The following NOS1AP variants were observed in gnomAD, a reference collection of about 807,000 sequenced individuals.
The protein encoded by NOS1AP is carboxyl-terminal PDZ ligand of neuronal nitric oxide synthase protein.
Under a neutral mutation model 56.2 loss-of-function variants are expected in NOS1AP, and 21 were observed. The ratio of observed to expected loss-of-function variants is 0.37; its 90% CI spans 0.26 to 0.54. The LOEUF (loss-of-function observed/expected upper bound fraction) is 0.54, where lower values mean the gene tolerates loss of function less well. NOS1AP is among the 20% of genes least tolerant of loss of function. The probability of loss-of-function intolerance (pLI) is 0.84; values close to 1 mark genes in which losing one functional copy is unlikely to be tolerated. For synonymous variants in NOS1AP, 270 were observed against 274.6 expected (o/e 0.98, Z 0.17); for missense variants, 522 against 657.8 (o/e 0.79, Z 2.26).
intron 4 of NOS1AP, among the ~76,000 whole-genome samples, chr1:162,329,965 C>T (rs574048402): frequency 6.6e-6 from 1 of 152,224 alleles, no homozygotes; most frequent in African/African-American, 2.4e-5. Context: ...CATCCATGTA[C>T]AGTTCTCATC....
intron 2 of NOS1AP, among the ~76,000 whole-genome samples, chr1:162,235,548 G>C (rs932040490): frequency 1.3e-5 from 2 of 152,210 alleles, no homozygotes; most frequent in African/African-American, 2.4e-5. Context: ...TGTGTTTCAG[G>C]CTCTTGGAGC....
intron 2 of NOS1AP, among the ~76,000 whole-genome samples, chr1:162,221,534 G>GCACACACACACACA (rs35920520): frequency 6.8e-5 from 5 of 73,394 alleles, no homozygotes; most frequent in African/African-American, 1.7e-4. Context: ...ACACACGCGC[G>GCACACACACACACA]CACACACACA....
intron 8 of NOS1AP, chr1:162,365,102 G>T: frequency 7.4e-7 from 1 of 1,356,920 alleles, no homozygotes; most frequent in Non-Finnish European, 9.5e-7. Context: ...ACGTGTGTGT[G>T]TGTGGCAGGT....
chr1:162,363,046 A>T (rs186542112), intron 8 of NOS1AP: 1 of 244,952 alleles, frequency 4.1e-6, no homozygotes, highest in East Asian at 1.8e-4. Context: ...TGCAGAGGGC[A>T]CACAGTGTCC....
chr1:162,095,690 G>T lies in NOS1AP; in HGVS notation c.105+25408G>T, dbSNP rs140828178. The stretch of plus-strand genomic sequence containing the variant: ...CCTCATCCGGTGAGTGGGGTTACTT[G>T]TGTCACAGAAGATGGAGTTTGGTGT... On this transcript the variant is annotated intron_variant, in intron 1 of 9. Transcript: ENST00000361897. 3.3e-4 allele frequency among the ~76,000 whole-genome samples: 51 copies of T among 152,286 alleles called. 1 individual carries two copies. Among genetic ancestry groups the T allele is most frequent in the African/African-American group, 1.2e-3 (51 of 41,568 alleles).
At chr1:162,223,655 T>C (rs1338243844) in intron 2 of NOS1AP, among the ~76,000 whole-genome samples, 1 of 152,238 alleles carries the variant, frequency 6.6e-6, no homozygotes, top group Non-Finnish European at 1.5e-5. Context: ...TTACATAAAA[T>C]ATTTTCTCTC....
At chr1:162,101,673 T>G (rs953737080) in intron 1 of NOS1AP, among the ~76,000 whole-genome samples, 2 of 152,196 alleles carry the variant, frequency 1.3e-5, no homozygotes, top group African/African-American at 4.8e-5. Flanking sequence ...GTTAGCTATA[T>G]TCCTAGGTAT....
At position 162,143,654 on chromosome 1, in the gene NOS1AP, A is replaced by C. The variant is rs572435699; in HGVS notation, c.106-10751A>C. Among the ~76,000 whole-genome samples, 33 of 152,036 alleles carry C rather than the reference A, an allele frequency of 2.2e-4. 1 individual carries two copies. The South Asian group carries it at 6.9e-3, about 32-fold the overall frequency. ...CATTTTTATTTTTTATAGAGATAGG[A>C]TCTTCCTATGTTGCCTAGGCTGGTC... On this transcript the variant is annotated intron_variant, in intron 1 of 9. Coordinates refer to ENST00000361897, the MANE Select transcript of NOS1AP (RefSeq NM_014697.3).
chr1:162,265,004 G>A (rs1188361166), intron 2 of NOS1AP, among the ~76,000 whole-genome samples: 5 of 150,838 alleles, frequency 3.3e-5, no homozygotes, highest in African/African-American at 4.9e-5. Context: ...TAGTAGAGAC[G>A]GGGTTTCACC....
intron 4 of NOS1AP, among the ~76,000 whole-genome samples, chr1:162,307,559 T>C (rs191657622): frequency 6.6e-6 from 1 of 152,246 alleles, no homozygotes; most frequent in Admixed American, 6.5e-5. Context: ...ATCCCAGCAC[T>C]TTGGGAGGCT....
chr1:162,186,947 TTTGTTG>T, intron 2 of NOS1AP, among the ~76,000 whole-genome samples: 1 of 152,130 alleles, frequency 6.6e-6, no homozygotes, highest in Admixed American at 6.5e-5. Context: ...TGTTGTTGGT[TTTGTTG>T]TTGTTGTTGT....
At chr1:162,219,558 G>C (rs1339150376) in intron 2 of NOS1AP, among the ~76,000 whole-genome samples, 4 of 152,076 alleles carry the variant, frequency 2.6e-5, no homozygotes, top group African/African-American at 9.7e-5. Flanking sequence ...CCTTTTAAAG[G>C]GTTACTGTTG....
intron 2 of NOS1AP, among the ~76,000 whole-genome samples, chr1:162,271,136 G>A (rs1029742998): frequency 8.5e-5 from 13 of 152,062 alleles, no homozygotes; most frequent in East Asian, 1.9e-4. Flanking sequence ...TTAAATGGTC[G>A]TGGGGGGTGT....
intron 2 of NOS1AP, among the ~76,000 whole-genome samples, chr1:162,249,249 C>T (rs1283546480): frequency 6.6e-6 from 1 of 152,114 alleles, no homozygotes; most frequent in East Asian, 1.9e-4. Context: ...GTCCCTAGTC[C>T]AGCACCAGAT....
intron 3 of NOS1AP, among the ~76,000 whole-genome samples, chr1:162,295,248 T>C (rs1477971193): frequency 2.6e-5 from 4 of 152,210 alleles, no homozygotes; most frequent in African/African-American, 7.2e-5. Flanking sequence ...TTTCCTGGCA[T>C]ATCATGGAGA....
chr1:162,342,142 G>A (rs1280522647), intron 5 of NOS1AP, among the ~76,000 whole-genome samples: 2 of 152,204 alleles, frequency 1.3e-5, no homozygotes, highest in South Asian at 2.1e-4. Flanking sequence ...CTGGGTGATG[G>A]TGGACCCCAC....
chr1:162,076,593 C>T (rs868565134), intron 1 of NOS1AP, among the ~76,000 whole-genome samples: 10 of 152,150 alleles, frequency 6.6e-5, no homozygotes, highest in Admixed American at 3.3e-4. Flanking sequence ...AGGCTGGGCG[C>T]GGTGGCTCAC....
chr1:162,296,172 A>G (rs1016035718), intron 3 of NOS1AP, among the ~76,000 whole-genome samples: 11 of 151,984 alleles, frequency 7.2e-5, no homozygotes, highest in Non-Finnish European at 4.4e-5. Flanking sequence ...CTGTAGTCCC[A>G]ACTACTCAGG....
intron 1 of NOS1AP, among the ~76,000 whole-genome samples, chr1:162,103,950 T>A (rs1258091291): frequency 6.6e-6 from 1 of 152,380 alleles, no homozygotes; most frequent in Admixed American, 6.5e-5. Flanking sequence ...TCTGTCATCA[T>A]GACGCTAACT....
Sources: gnomAD v4.1 joint callset for allele counts (sites outside exome capture counted in the v4.1 genomes callset) on GRCh38, gnomAD v4.1.1 for gene constraint, MANE v1.5 for transcripts, NCBI Gene and HGNC (gene_info 2026-07-23, HGNC 2026-07-21) for gene names.